Variants in NAV1 observed in about 807,000 individuals in gnomAD.
NAV1 encodes pore membrane and/or filament interacting like protein 3.
Under a neutral mutation model 175.2 loss-of-function variants are expected in NAV1, and 18 were observed. That is an observed-to-expected ratio of 0.10 (90% CI 0.07 to 0.15). NAV1 has a LOEUF of 0.15. Among genes scored for constraint, NAV1 ranks in the 10% least tolerant of loss-of-function variants. The pLI, the probability that NAV1 is intolerant of heterozygous loss-of-function variation, is 1.00. For missense variants in NAV1, 1,731 were observed against 2,436.6 expected (o/e 0.71, Z 6.10); for synonymous variants, 897 against 978.7 (o/e 0.92, Z 1.56).
intron 3 of NAV1, among the ~76,000 whole-genome samples, chr1:201,765,580 A>G (rs1479958443): frequency 2.0e-5 from 3 of 151,932 alleles, no homozygotes; most frequent in Non-Finnish European, 4.4e-5. Flanking sequence ...ATTTTAGTAG[A>G]GACGGGGTTT....
At position 201,810,480 on chromosome 1, in the gene NAV1, A is replaced by G. The variant is rs1342453734; in HGVS notation, c.4562-43A>G. Reference sequence around the variant, plus strand: ...CCCTTTAGGATCCCTTGCTATCCTCAAGACCCTGGTCAATACTCATGCTTT... The same window carrying G: ...CCCTTTAGGATCCCTTGCTATCCTCGAGACCCTGGTCAATACTCATGCTTT... On this transcript the variant is annotated intron_variant, in intron 23 of 29. Coordinates refer to ENST00000367296, the Ensembl canonical transcript of NAV1. This position sits in a 1 kb window ranked among gnomAD's most constrained non-coding sequence, Gnocchi z 6.0. 14 of 1,553,050 alleles carry G rather than the reference A, an allele frequency of 9.0e-6. No homozygotes were observed. The highest frequency in any genetic ancestry group is 1.4e-5 in the African/African-American group (1 of 73,300).
chr1:201,782,010 C>A lies in NAV1; in HGVS notation c.1664-166C>A, dbSNP rs1478354733. ...CCCCTCCCAGCCAGAGTCTTTCAGA[C>A]AAGAAACTTTATCAGCTTATCTTGT... On this transcript the variant is annotated intron_variant, in intron 5 of 29. Transcript: ENST00000367296. This position sits in a 1 kb window ranked among gnomAD's most constrained non-coding sequence, Gnocchi z 5.4. 1.3e-5 allele frequency among the ~76,000 whole-genome samples: 2 copies of A among 152,068 alleles called. No homozygotes were observed. Among genetic ancestry groups the A allele is most frequent in the Non-Finnish European group, 2.9e-5 (2 of 68,018 alleles).
At chr1:201,599,138 C>T (rs559912337) in intron 2 of NAV1, among the ~76,000 whole-genome samples, 1 of 152,178 alleles carries the variant, frequency 6.6e-6, no homozygotes, top group Non-Finnish European at 1.5e-5. Flanking sequence ...CCAGGTTGGG[C>T]CCCCCAGGAG....
chr1:201,746,610 T>C (rs1419576247), intron 3 of NAV1, among the ~76,000 whole-genome samples: 2 of 152,156 alleles, frequency 1.3e-5, no homozygotes, highest in South Asian at 2.1e-4. Flanking sequence ...AAGTCAGAAA[T>C]GTAAGGGAAG....
intron 2 of NAV1, among the ~76,000 whole-genome samples, chr1:201,631,236 G>A (rs947751741): frequency 2.6e-5 from 4 of 152,178 alleles, no homozygotes; most frequent in African/African-American, 7.2e-5. Flanking sequence ...AGGATACGCC[G>A]AGCTCTTTGA....
chr1:201,786,609 G>T, intron 9 of NAV1, 32 bp downstream of exon 13: 1 of 1,597,684 alleles, frequency 6.3e-7, no homozygotes, highest in Non-Finnish European at 8.5e-7. Context: ...CTGTGGCATG[G>T]GGTGAAGCAG....
intron 1 of NAV1, among the ~76,000 whole-genome samples, chr1:201,670,235 C>T (rs1186346898): frequency 1.3e-5 from 2 of 151,324 alleles, no homozygotes; most frequent in African/African-American, 2.4e-5. Flanking sequence ...AAAAAATTAG[C>T]CGGGCGTGGT....
intron 3 of NAV1, among the ~76,000 whole-genome samples, chr1:201,723,044 G>C (rs1446987923): frequency 6.6e-6 from 1 of 152,242 alleles, no homozygotes; most frequent in Non-Finnish European, 1.5e-5. Context: ...CCAGGAGGCG[G>C]AGGTTGCAGA....
rs1558194691 is a variant in NAV1 at position 201,813,002 on chromosome 1, A to T, written c.5222-138A>T. On this transcript the variant is annotated intron_variant, in intron 27 of 29. Transcript: ENST00000367296. The surrounding 1 kb of genome is among the most constrained non-coding windows in gnomAD (Gnocchi z 4.2). ...ATTGCCATCTAGGCAGTCAGCACCCACTAGTCTTGACAACTCTAAATTTCC... is the reference window on the plus strand; with the variant it reads ...ATTGCCATCTAGGCAGTCAGCACCCTCTAGTCTTGACAACTCTAAATTTCC... 1.5e-6 allele frequency: 1 copy of T among 652,706 alleles called. No homozygotes were observed. Among genetic ancestry groups the T allele is most frequent in the South Asian group, 1.9e-5 (1 of 52,930 alleles). 40.4% of individuals were successfully genotyped at this position (652,706 alleles called of 1,614,324 possible). A position where few individuals can be genotyped will look rare whatever the true frequency, so the allele number is the denominator to read the frequency against.
chr1:201,794,578 G>A lies in NAV1; in HGVS notation c.3517+1G>A. 1 of 1,612,154 alleles carries A rather than the reference G, an allele frequency of 6.2e-7. No homozygotes were observed. Among genetic ancestry groups the A allele is most frequent in the Non-Finnish European group, 8.5e-7 (1 of 1,178,222 alleles). The stretch of plus-strand genomic sequence containing the variant: ...AATGCCTCAGAAACCACACCCAAAG[G>A]TAGGACATCCAGCCACAGATTGAGA... On this transcript the variant is annotated splice_donor_variant, in intron 15 of 29. Coordinates refer to ENST00000367296, the Ensembl canonical transcript of NAV1. LOFTEE classifies it high-confidence loss of function.
At chr1:201,778,223 G>A (rs1036449148) in intron 3 of NAV1, among the ~76,000 whole-genome samples, 2 of 152,146 alleles carry the variant, frequency 1.3e-5, no homozygotes, top group Non-Finnish European at 2.9e-5. Context: ...CTCCATTTCA[G>A]TATTAAACTT....
chr1:201,758,313 A>C (rs1558133131), intron 3 of NAV1, among the ~76,000 whole-genome samples: 1 of 152,160 alleles, frequency 6.6e-6, no homozygotes. Flanking sequence ...TATGATGTTG[A>C]CATTTTATTT....
At chr1:201,615,710 C>T (rs904641702) in intron 2 of NAV1, among the ~76,000 whole-genome samples, 1 of 152,224 alleles carries the variant, frequency 6.6e-6, no homozygotes, top group Admixed American at 6.5e-5. Context: ...TTTTCTAAAG[C>T]CACATAGCAG....
intron 3 of NAV1, among the ~76,000 whole-genome samples, chr1:201,778,945 A>C (rs2102699782): frequency 6.6e-6 from 1 of 152,370 alleles, no homozygotes; most frequent in Non-Finnish European, 1.5e-5. Context: ...ATGCTGATAA[A>C]CAAACCTACT....
At chr1:201,668,414 C>T (rs1388268212) in intron 1 of NAV1, among the ~76,000 whole-genome samples, 1 of 152,178 alleles carries the variant, frequency 6.6e-6, no homozygotes, top group African/African-American at 2.4e-5. Context: ...CACAGAGAAC[C>T]GTGTGCCATG....
At chr1:201,554,328 C>G (rs904089173) in intron 1 of NAV1, among the ~76,000 whole-genome samples, 1 of 152,152 alleles carries the variant, frequency 6.6e-6, no homozygotes, top group Non-Finnish European at 1.5e-5. Flanking sequence ...GCTGTTTTAC[C>G]AGCAGGACGG....
At chr1:201,662,033 A>AC (rs1669631329) in intron 1 of NAV1, among the ~76,000 whole-genome samples, 1 of 152,258 alleles carries the variant, frequency 6.6e-6, no homozygotes, top group South Asian at 2.1e-4. Context: ...AAGGTCACAC[A>AC]GCCACGAAGT....
intron 2 of NAV1, among the ~76,000 whole-genome samples, chr1:201,604,327 A>C (rs1667607850): frequency 6.6e-6 from 1 of 152,158 alleles, no homozygotes; most frequent in Non-Finnish European, 1.5e-5. Context: ...AAGTGCTGGG[A>C]TTACAGGTGT....
At chr1:201,610,273 G>A (rs1667807496) in intron 2 of NAV1, among the ~76,000 whole-genome samples, 2 of 152,244 alleles carry the variant, frequency 1.3e-5, no homozygotes, top group African/African-American at 4.8e-5. Flanking sequence ...GATACTGAAA[G>A]TGGAGTCATT....
Sources: allele counts gnomAD v4.1 joint callset (sites outside exome capture counted in the v4.1 genomes callset), GRCh38; gene constraint gnomAD v4.1.1; non-coding constraint Gnocchi (gnomAD v3.1); transcripts MANE v1.5; gene names NCBI Gene and HGNC (gene_info 2026-07-23, HGNC 2026-07-21).